Variants in SPAG9 observed in about 807,000 individuals in gnomAD.
The protein encoded by SPAG9 is sperm associated antigen 9, also known as C-Jun-amino-terminal kinase-interacting protein 4.
Under a neutral mutation model 166.5 loss-of-function variants are expected in SPAG9, and 35 were observed. That is an observed-to-expected ratio of 0.21 (90% CI 0.16 to 0.28). The LOEUF is 0.28. Ranked by LOEUF, SPAG9 falls within the 10% of genes least tolerant of loss-of-function variation. The pLI, the probability that SPAG9 is intolerant of heterozygous loss-of-function variation, is 1.00. For missense variants in SPAG9, 1,235 were observed against 1,603.3 expected (o/e 0.77, Z 3.92); for synonymous variants, 534 against 565.5 (o/e 0.94, Z 0.79).
chr17:50,989,520 G>T, intron 21 of SPAG9, 157 bp downstream of exon 21: 1 of 707,190 alleles, frequency 1.4e-6, no homozygotes, highest in Admixed American at 2.1e-5. Context: ...CGAGAATGAT[G>T]GAGCGGGAAT....
intron 4 of SPAG9, chr17:51,046,789 C>T (rs2047037623): frequency 6.5e-7 from 1 of 1,534,450 alleles, no homozygotes; most frequent in East Asian, 2.4e-5. Context: ...CAGCAGCTTT[C>T]CACTCCATCC....
At chr17:50,994,693 G>A (rs951698810) in intron 18 of SPAG9, among the ~76,000 whole-genome samples, 2 of 152,194 alleles carry the variant, frequency 1.3e-5, no homozygotes, top group African/African-American at 2.4e-5. Flanking sequence ...ACACTGCAGT[G>A]AGCCATGATC....
At chr17:51,039,076 A>G (rs1568029794) in intron 5 of SPAG9, among the ~76,000 whole-genome samples, 1 of 152,196 alleles carries the variant, frequency 6.6e-6, no homozygotes, top group Non-Finnish European at 1.5e-5. Flanking sequence ...TCTGCCACAA[A>G]GTTTTCTGTC....
Position 51,089,022 on chromosome 17 carries a change from G to A in SPAG9, c.304-9318C>T, listed in dbSNP as rs187556993. ...GCAGGAGAATCACTTGAACCTGGTA[G>A]GCAGGGGTTGCGGTGAGCGAGATTG... On this transcript the variant is annotated intron_variant, in intron 1 of 29. Transcript: ENST00000262013. Among the ~76,000 whole-genome samples the A allele has an allele frequency of 1.3e-3, 195 of 152,012 alleles. 1 individual carries two copies. The highest frequency in any genetic ancestry group is 4.5e-3 in the African/African-American group (185 of 41,462).
chr17:51,056,728 GTTTTT>G (rs551732937), intron 2 of SPAG9, among the ~76,000 whole-genome samples: 1 of 148,630 alleles, frequency 6.7e-6, no homozygotes, highest in African/African-American at 2.5e-5. Flanking sequence ...CCCCTAAACA[GTTTTT>G]TTTTTAACAT....
Position 50,977,229 on chromosome 17 carries a change from G to C in SPAG9, c.3410-8C>G, listed in dbSNP as rs1466588792. ...AGCCCAGTTTTCCAGTACCTGTAAA[G>C]AAAGGAGGGAACACGTTATTGAGAA... On this transcript the variant is annotated splice_polypyrimidine_tract_variant and splice_region_variant and intron_variant, in intron 26 of 29. Transcript: ENST00000262013. 6.6e-7 allele frequency: 1 copy of C among 1,519,036 alleles called. No homozygotes were observed. Among genetic ancestry groups the C allele is most frequent in the Non-Finnish European group, 9.1e-7 (1 of 1,093,988 alleles). The allele number at this position is 1,519,036 out of a possible 1,614,324, so 94.1% of individuals were successfully genotyped here. A position where few individuals can be genotyped will look rare whatever the true frequency, so the allele number is the denominator to read the frequency against.
chr17:50,975,756 G>A (rs941445370), intron 27 of SPAG9: 9 of 837,500 alleles, frequency 1.1e-5, no homozygotes, highest in African/African-American at 1.7e-5. Context: ...GACTGCAAGT[G>A]GATAACATTT....
chr17:50,979,821 G>A lies in SPAG9; in HGVS notation c.3334C>T (p.Leu1112Phe). The change falls in exon 26 of 30, where the codon CTC becomes TTC. Residue 1112 changes from leucine (L) to phenylalanine (F), a missense_variant. Physicochemically the swap from Leu to Phe is conservative, Grantham distance 22 (BLOSUM62 0). Transcript: ENST00000262013. ...VWVSIRLDST[L>F]RLYHAHTYQH... ...TAAGTGTGTGCATGATAGAGACGGA[G>A]CGTAGAATCCAAGCGAATGGAGACC... is the stretch of plus-strand genomic sequence containing the variant. The A allele has an allele frequency of 6.2e-7, 1 of 1,614,164 alleles. No homozygotes were observed. The highest frequency in any genetic ancestry group is 2.2e-5 in the East Asian group (1 of 44,884).
chr17:51,114,456 C>A (rs2049222262), intron 1 of SPAG9, among the ~76,000 whole-genome samples: 1 of 151,872 alleles, frequency 6.6e-6, no homozygotes, highest in African/African-American at 2.4e-5. Flanking sequence ...ATGGTGAAAC[C>A]CCATCTCTAC....
At chr17:51,046,235 C>T (rs2144444043) in intron 4 of SPAG9, among the ~76,000 whole-genome samples, 1 of 152,302 alleles carries the variant, frequency 6.6e-6, no homozygotes, top group South Asian at 2.1e-4. Flanking sequence ...TTTGAACATT[C>T]TGCTTAAAAC....
chr17:51,056,153 G>C (rs768908911), intron 3 of SPAG9, among the ~76,000 whole-genome samples: 1 of 152,126 alleles, frequency 6.6e-6, no homozygotes, highest in Non-Finnish European at 1.5e-5. Flanking sequence ...CAGCCAAGGA[G>C]AGAAGTACTA....
At chr17:51,018,051 A>G (rs1011946797) in intron 8 of SPAG9, among the ~76,000 whole-genome samples, 2 of 152,136 alleles carry the variant, frequency 1.3e-5, no homozygotes, top group Admixed American at 6.6e-5. Flanking sequence ...TTGAGCATCA[A>G]TGTATTTTGG....
At chr17:51,058,367 T>C (rs2144528814) in intron 2 of SPAG9, among the ~76,000 whole-genome samples, 1 of 152,264 alleles carries the variant, frequency 6.6e-6, no homozygotes, top group African/African-American at 2.4e-5. Flanking sequence ...ATGAAAGTAT[T>C]ATTATTACAT....
chr17:51,092,762 A>G (rs2048504112), intron 1 of SPAG9, among the ~76,000 whole-genome samples: 1 of 142,424 alleles, frequency 7.0e-6, no homozygotes, highest in Non-Finnish European at 1.5e-5. Flanking sequence ...AAAAAAAAAA[A>G]AAAAAGAAAA....
intron 1 of SPAG9, among the ~76,000 whole-genome samples, chr17:51,086,076 C>G (rs896408708): frequency 1.4e-5 from 2 of 144,940 alleles, no homozygotes; most frequent in Admixed American, 7.3e-5. Context: ...TCAAGCAGTT[C>G]TCGTGCTTCA....
chr17:50,983,805 A>G (rs1462420319), intron 24 of SPAG9, among the ~76,000 whole-genome samples: 1 of 152,100 alleles, frequency 6.6e-6, no homozygotes, highest in African/African-American at 2.4e-5. Context: ...TGACCATGGA[A>G]CTTTCTTAAT....
chr17:51,120,288 C>T lies in SPAG9; in HGVS notation c.303+66G>A. 1 of 1,227,958 alleles carries T rather than the reference C, an allele frequency of 8.1e-7. No individual in the cohort carries two copies. The allele number at this position is 1,227,958 out of a possible 1,614,324, so 76.1% of individuals were successfully genotyped here. A position where few individuals can be genotyped will look rare whatever the true frequency, so the allele number is the denominator to read the frequency against. On this transcript the variant is annotated intron_variant, in intron 1 of 29. Coordinates refer to ENST00000262013, the MANE Select transcript of SPAG9 (RefSeq NM_001130528.3). The surrounding 1 kb of genome is among the most constrained non-coding windows in gnomAD (Gnocchi z 4.7). The stretch of plus-strand genomic sequence containing the variant: ...GTCGCGCCTCTAGTCCCCGACCGGG[C>T]CGCGACCCCGCCCCGGCCGCCCCCG...
chr17:51,063,722 A>G (rs905268141), intron 2 of SPAG9, among the ~76,000 whole-genome samples: 1 of 151,890 alleles, frequency 6.6e-6, no homozygotes, highest in Admixed American at 6.6e-5. Context: ...CTTCTCTACT[A>G]AAAACAAAAA....
intron 1 of SPAG9, among the ~76,000 whole-genome samples, chr17:51,119,403 G>A (rs1426676493): frequency 6.6e-6 from 1 of 152,124 alleles, no homozygotes; most frequent in Non-Finnish European, 1.5e-5. Context: ...CTTTGATAAG[G>A]TCCACAGAAA....
Sources: allele counts gnomAD v4.1 joint callset (sites outside exome capture counted in the v4.1 genomes callset), GRCh38; gene constraint gnomAD v4.1.1; non-coding constraint Gnocchi (gnomAD v3.1); transcripts MANE v1.5; gene names NCBI Gene and HGNC (gene_info 2026-07-23, HGNC 2026-07-21).